The following TIMP3 variants were observed in gnomAD, a reference collection of about 807,000 sequenced individuals.
TIMP3 encodes the protein TIMP metallopeptidase inhibitor 3, also known as metalloproteinase inhibitor 3.
In TIMP3, 11 loss-of-function variants were observed where a neutral mutation model predicts 30.0. That is an observed-to-expected ratio of 0.37 (90% CI 0.23 to 0.61). The LOEUF is 0.61. TIMP3 is among the 20% of genes least tolerant of loss of function. The pLI, the probability that TIMP3 is intolerant of heterozygous loss-of-function variation, is 0.70. For synonymous variants in TIMP3, 112 were observed against 111.3 expected (o/e 1.01, Z -0.04); for missense variants, 181 against 276.8 (o/e 0.65, Z 2.45).
intron 1 of TIMP3, among the ~76,000 whole-genome samples, chr22:32,812,756 G>A (rs1189992554): frequency 6.6e-6 from 1 of 152,206 alleles, no homozygotes; most frequent in Admixed American, 6.5e-5. Flanking sequence ...AAGTGAATGA[G>A]GAGGGTATTT....
chr22:32,859,632 A>G lies in TIMP3; in HGVS notation c.*255A>G, dbSNP rs2048479966. 6 of 535,760 alleles carry G rather than the reference A, an allele frequency of 1.1e-5. No homozygotes were observed. Among genetic ancestry groups the G allele is most frequent in the African/African-American group, 1.9e-5 (1 of 52,754 alleles). The allele number at this position is 535,760 out of a possible 1,614,324, so 33.2% of individuals were successfully genotyped here. ...AATTTCTGGTGCCATGCCAGAAAGA[A>G]TGAGGAACCTGTATTCCTCTTCTTC... On this transcript the variant is annotated 3_prime_UTR_variant, in exon 5 of 5. Coordinates refer to ENST00000266085, the MANE Select transcript of TIMP3 (RefSeq NM_000362.5).
intron 2 of TIMP3, 76 bp from the exon 3 acceptor site, chr22:32,857,173 C>A: frequency 9.0e-7 from 1 of 1,110,640 alleles, no homozygotes; most frequent in Non-Finnish European, 1.4e-6. Context: ...TGGATACATA[C>A]CCAGCAGTGG....
Position 32,859,510 on chromosome 22 carries a change from A to C in TIMP3, c.*133A>C, listed in dbSNP as rs895486946. ...ATTTAGCACTTGGAACATTTAAAGAAAGGTCTATGCTGTCATATGGGGTTT... is the reference window on the plus strand; with the variant it reads ...ATTTAGCACTTGGAACATTTAAAGACAGGTCTATGCTGTCATATGGGGTTT... On this transcript the variant is annotated 3_prime_UTR_variant, in exon 5 of 5. Transcript: ENST00000266085. 5 of 1,158,546 alleles carry C rather than the reference A, an allele frequency of 4.3e-6. No individual in the cohort carries two copies. The highest frequency in any genetic ancestry group is 6.1e-6 in the Non-Finnish European group (5 of 824,638). The allele number at this position is 1,158,546 out of a possible 1,614,324, so 71.8% of individuals were successfully genotyped here.
At chr22:32,824,969 G>C (rs1323632300) in intron 1 of TIMP3, among the ~76,000 whole-genome samples, 1 of 152,166 alleles carries the variant, frequency 6.6e-6, no homozygotes, top group African/African-American at 2.4e-5. Flanking sequence ...TGACATAAAC[G>C]ATTAGGCTCT....
At chr22:32,817,825 C>A (rs1351365551) in intron 1 of TIMP3, among the ~76,000 whole-genome samples, 2 of 152,136 alleles carry the variant, frequency 1.3e-5, no homozygotes, top group East Asian at 3.9e-4. Context: ...GGGCAGGCAC[C>A]CTGCGAGCAG....
chr22:32,852,178 G>C (rs572069754), intron 2 of TIMP3, among the ~76,000 whole-genome samples: 1 of 152,308 alleles, frequency 6.6e-6, no homozygotes, highest in South Asian at 2.1e-4. Context: ...AGACCTGGGA[G>C]GTCATATAAC....
chr22:32,814,566 G>A lies in TIMP3; in HGVS notation c.121+12444G>A, dbSNP rs569243789. On this transcript the variant is annotated intron_variant, in intron 1 of 4. Coordinates refer to ENST00000266085, the MANE Select transcript of TIMP3 (RefSeq NM_000362.5). ...TAGAACTTCAGGTGCTGATAAATAT[G>A]GTAACATCATGGGGTGCTTTGGCAG... is the stretch of plus-strand genomic sequence containing the variant. Among the ~76,000 whole-genome samples the A allele has an allele frequency of 4.6e-5, 7 of 152,224 alleles. No individual in the cohort carries two copies. The South Asian group carries it at 1.5e-3, about 32-fold the overall frequency.
chr22:32,843,253 C>G (rs747787916), intron 1 of TIMP3, among the ~76,000 whole-genome samples: 1 of 152,194 alleles, frequency 6.6e-6, no homozygotes. Flanking sequence ...AAGAGGCATT[C>G]GATAAATGGT....
intron 3 of TIMP3, 103 bp from the exon 4 acceptor site, chr22:32,857,914 G>A (rs1025786699): frequency 1.3e-6 from 2 of 1,576,156 alleles, no homozygotes; most frequent in Admixed American, 3.3e-5. Context: ...AAAGTACCCA[G>A]CCACAGTGCC....
intron 1 of TIMP3, among the ~76,000 whole-genome samples, chr22:32,802,828 AT>A (rs1034287114): frequency 4.0e-4 from 61 of 152,192 alleles, no homozygotes; most frequent in Non-Finnish European, 7.8e-4. Context: ...CAGGAAGGCT[AT>A]TTTTTTCCCC....
intron 1 of TIMP3, among the ~76,000 whole-genome samples, chr22:32,832,353 T>C (rs2047598046): frequency 6.6e-6 from 1 of 152,142 alleles, no homozygotes; most frequent in Non-Finnish European, 1.5e-5. Context: ...CTAGGGTTAA[T>C]TGGGACACTA....
intron 1 of TIMP3, 37 bp from the exon 2 acceptor site, chr22:32,849,415 C>T: frequency 1.3e-6 from 2 of 1,597,590 alleles, no homozygotes; most frequent in Non-Finnish European, 1.7e-6. Context: ...TGGTTCAGGC[C>T]TTCCTAACCT....
At chr22:32,828,619 G>T (rs1443827168) in intron 1 of TIMP3, among the ~76,000 whole-genome samples, 1 of 152,232 alleles carries the variant, frequency 6.6e-6, no homozygotes, top group Non-Finnish European at 1.5e-5. Context: ...CAGGCCCAGG[G>T]ACAGGAAGTG....
At chr22:32,827,490 G>A (rs146435032) in intron 1 of TIMP3, among the ~76,000 whole-genome samples, 395 of 152,198 alleles carry the variant, frequency 2.6e-3, no homozygotes, top group African/African-American at 8.6e-3. Flanking sequence ...ACCTCCTCCC[G>A]TACCTCTGGG....
chr22:32,851,793 A>C (rs374100022), intron 2 of TIMP3, among the ~76,000 whole-genome samples: 2 of 151,794 alleles, frequency 1.3e-5, no homozygotes, highest in African/African-American at 4.8e-5. Context: ...CCTTTCATTC[A>C]CTCTGACCCT....
intron 1 of TIMP3, among the ~76,000 whole-genome samples, chr22:32,830,076 C>G (rs931362061): frequency 5.3e-5 from 8 of 152,178 alleles, no homozygotes; most frequent in Non-Finnish European, 1.2e-4. Context: ...GCCGACATTT[C>G]AGGAGGAGGA....
chr22:32,822,585 T>C (rs527725538), intron 1 of TIMP3, among the ~76,000 whole-genome samples: 4 of 152,306 alleles, frequency 2.6e-5, no homozygotes, highest in Admixed American at 1.3e-4. Flanking sequence ...ATGGAGTCCA[T>C]TGCTACATTG....
At chr22:32,833,980 C>A in intron 1 of TIMP3, 1 of 461,456 alleles carries the variant, frequency 2.2e-6, no homozygotes. Flanking sequence ...CATGACCATC[C>A]TCCTGCTTTC....
At chr22:32,818,385 G>A (rs952311371) in intron 1 of TIMP3, among the ~76,000 whole-genome samples, 3 of 152,102 alleles carry the variant, frequency 2.0e-5, no homozygotes, top group Admixed American at 1.3e-4. Context: ...GCATGGTAGT[G>A]TAGAAAAAGG....
Sources: allele counts gnomAD v4.1 joint callset (sites outside exome capture counted in the v4.1 genomes callset), GRCh38; gene constraint gnomAD v4.1.1; transcripts MANE v1.5; gene names NCBI Gene and HGNC (gene_info 2026-07-23, HGNC 2026-07-21).